SNTG2: variants seen among roughly 807,000 people sequenced by gnomAD.
SNTG2 encodes syntrophin gamma 2.
SNTG2 carries 74 observed loss-of-function variants against 70.9 expected under a neutral mutation model. That is an observed-to-expected ratio of 1.04 (90% confidence interval 0.86 to 1.27). The LOEUF (loss-of-function observed/expected upper bound fraction) is 1.27. SNTG2 is among the 50% of genes most tolerant of loss of function. The pLI, the probability that SNTG2 is intolerant of heterozygous loss-of-function variation, is 0.00. For synonymous variants in SNTG2, 278 were observed against 273.8 expected, an observed-to-expected ratio of 1.02 and a Z score of -0.15; for missense variants, 717 against 690.7, an observed-to-expected ratio of 1.04 and a Z score of -0.43.
At chr2:1,299,993 G>T (rs1680380080) in intron 14 of SNTG2, among the ~76,000 whole-genome samples, 1 of 150,070 alleles carries the variant, frequency 6.7e-6, no homozygotes, top group South Asian at 2.1e-4. Context: ...TACCATCACT[G>T]CTCTGAAGGG....
intron 4 of SNTG2, among the ~76,000 whole-genome samples, chr2:1,129,238 C>T (rs537667574): frequency 1.3e-5 from 2 of 152,334 alleles, no homozygotes; most frequent in African/African-American, 2.4e-5. Context: ...TATTTAGCTC[C>T]TCTGCAGAAC....
chr2:1,276,587 A>G (rs1011773055), intron 14 of SNTG2, among the ~76,000 whole-genome samples: 5 of 152,236 alleles, frequency 3.3e-5, no homozygotes, highest in African/African-American at 7.2e-5. Flanking sequence ...TGACAATGCA[A>G]TTGGTCACTC....
intron 16 of SNTG2, among the ~76,000 whole-genome samples, chr2:1,329,602 A>G (rs528497609): frequency 6.6e-6 from 1 of 152,368 alleles, no homozygotes; most frequent in East Asian, 1.9e-4. Context: ...GGAAAACAGG[A>G]AAACAAAAGT....
At chr2:1,154,428 A>G (rs1436936971) in intron 6 of SNTG2, among the ~76,000 whole-genome samples, 1 of 152,206 alleles carries the variant, frequency 6.6e-6, no homozygotes, top group Admixed American at 6.5e-5. Context: ...GAAAACTTAA[A>G]AGTTAACAAT....
intron 6 of SNTG2, among the ~76,000 whole-genome samples, chr2:1,164,391 A>G (rs1487628550): frequency 3.4e-5 from 4 of 116,610 alleles, no homozygotes; most frequent in African/African-American, 1.0e-4. Context: ...GGAGAGGGCG[A>G]GGTGGGATAT....
chr2:1,071,705 TTAGA>T (rs937342277), intron 1 of SNTG2, among the ~76,000 whole-genome samples: 1 of 150,534 alleles, frequency 6.6e-6, no homozygotes, highest in South Asian at 2.1e-4. Flanking sequence ...TGTTGAATGC[TTAGA>T]TAGGCAGAGA....
chr2:1,159,189 CTGAA>C (rs1670109396), intron 6 of SNTG2: 3 of 149,002 alleles, frequency 2.0e-5, no homozygotes, highest in African/African-American at 5.0e-5. Flanking sequence ...GGAATTACGT[CTGAA>C]TGTATGAGTG....
chr2:1,255,927 AATATATAAAT>A (rs1553373416), intron 12 of SNTG2, among the ~76,000 whole-genome samples: 24 of 36,706 alleles, frequency 6.5e-4, no homozygotes, highest in African/African-American at 2.8e-3. Flanking sequence ...TAAATATATA[AATATATAAAT>A]ATATATATAT....
chr2:1,056,403 G>GGA, intron 1 of SNTG2, among the ~76,000 whole-genome samples: 2 of 38,290 alleles, frequency 5.2e-5, no homozygotes, highest in East Asian at 1.3e-3. Context: ...GGGGAGGGAG[G>GGA]GAGGGAGAGC....
intron 1 of SNTG2, among the ~76,000 whole-genome samples, chr2:1,070,092 T>C (rs1250251467): frequency 6.6e-6 from 1 of 151,674 alleles, no homozygotes; most frequent in African/African-American, 2.4e-5. Context: ...TGCGAAACCA[T>C]CGGTGCCAGT....
chr2:1,218,414 T>C (rs1428240555), intron 9 of SNTG2, among the ~76,000 whole-genome samples: 1 of 152,208 alleles, frequency 6.6e-6, no homozygotes, highest in Non-Finnish European at 1.5e-5. Context: ...TCTCAACCTC[T>C]GTTTCCCTCT....
At chr2:1,223,466 C>T (rs559217408) in intron 9 of SNTG2, among the ~76,000 whole-genome samples, 8 of 152,300 alleles carry the variant, frequency 5.3e-5, no homozygotes, top group Admixed American at 2.0e-4. Context: ...CTGCCAACTG[C>T]GTCGGATTCC....
chr2:1,235,799 C>G (rs1044678555), intron 9 of SNTG2, among the ~76,000 whole-genome samples: 1 of 152,198 alleles, frequency 6.6e-6, no homozygotes, highest in Non-Finnish European at 1.5e-5. Flanking sequence ...AGAATAAAAG[C>G]GTAGAGCTCT....
At chr2:1,165,824 C>T (rs528592681) in intron 7 of SNTG2, among the ~76,000 whole-genome samples, 189 bp downstream of exon 7, 13 of 152,300 alleles carry the variant, frequency 8.5e-5, no homozygotes, top group South Asian at 2.1e-4. Context: ...AACACATCCA[C>T]GGGCTTTTTT....
intron 12 of SNTG2, among the ~76,000 whole-genome samples, chr2:1,257,793 C>T (rs1678207815): frequency 6.6e-6 from 1 of 152,200 alleles, no homozygotes; most frequent in African/African-American, 2.4e-5. Flanking sequence ...AAATTCTAAG[C>T]TGTAGTTACA....
At chr2:1,074,311 A>T (rs1429108854) in intron 1 of SNTG2, among the ~76,000 whole-genome samples, 1 of 152,158 alleles carries the variant, frequency 6.6e-6, no homozygotes, top group East Asian at 1.9e-4. Flanking sequence ...CTTGGCTGAG[A>T]TGATGCGTTT....
intron 6 of SNTG2, among the ~76,000 whole-genome samples, chr2:1,153,271 A>T (rs551456616): frequency 1.3e-5 from 2 of 152,144 alleles, no homozygotes; most frequent in South Asian, 2.1e-4. Flanking sequence ...CCATTTTTTT[A>T]TTATACTTTA....
intron 1 of SNTG2, among the ~76,000 whole-genome samples, chr2:974,039 T>C (rs1222974925): frequency 6.6e-6 from 1 of 152,182 alleles, no homozygotes; most frequent in East Asian, 1.9e-4. Flanking sequence ...ATGGCTTCAT[T>C]TCCTGAAAAT....
At chr2:1,051,127 A>G (rs1007336600) in intron 1 of SNTG2, among the ~76,000 whole-genome samples, 1 of 129,078 alleles carries the variant, frequency 7.7e-6, no homozygotes, top group African/African-American at 2.8e-5. Flanking sequence ...TATTTTTTCA[A>G]TGTTTACACA....
Sources: allele counts gnomAD v4.1 joint callset (sites outside exome capture counted in the v4.1 genomes callset), GRCh38; gene constraint gnomAD v4.1.1; transcripts MANE v1.5; gene names NCBI Gene and HGNC (gene_info 2026-07-23, HGNC 2026-07-21).